The following SNAPC3 variants were observed in gnomAD, a reference collection of about 807,000 sequenced individuals.
The protein encoded by SNAPC3 is snRNA-activating protein complex subunit 3.
A neutral mutation model predicts 47.7 loss-of-function variants in SNAPC3; 56 were observed. The observed-to-expected ratio is 1.18, with a 90% CI of 0.95 to 1.47. SNAPC3 has a LOEUF of 1.47. Ranked by LOEUF, SNAPC3 falls within the 40% of genes most tolerant of loss-of-function variation. The pLI, the probability that SNAPC3 is intolerant of heterozygous loss-of-function variation, is 0.00. For missense variants in SNAPC3, 665 were observed against 511.3 expected (o/e 1.30, Z -2.90); for synonymous variants, 235 against 189.9 (o/e 1.24, Z -1.95).
chr9:15,447,321 A>G (rs2034015920), intron 5 of SNAPC3, 77 bp downstream of exon 5: 4 of 1,288,976 alleles, frequency 3.1e-6, no homozygotes, highest in Non-Finnish European at 4.5e-6. Context: ...TGGTTCATAA[A>G]TGTCCCAGTA....
chr9:15,440,279 TTTC>T (rs1254936306), intron 3 of SNAPC3, among the ~76,000 whole-genome samples: 2 of 152,356 alleles, frequency 1.3e-5, no homozygotes, highest in South Asian at 2.1e-4. Context: ...GTATTCTTTA[TTTC>T]TTCTTATGGC....
In SNAPC3 at chr9:15,460,124, A is replaced by G. The variant is rs1351567883; in HGVS notation, c.*258A>G. 2 of 263,822 alleles carry G rather than the reference A, an allele frequency of 7.6e-6. No homozygotes were observed. Among genetic ancestry groups the G allele is most frequent in the East Asian group, 7.1e-5 (1 of 14,138 alleles). The allele number at this position is 263,822 out of a possible 1,614,324, so 16.3% of individuals were successfully genotyped here. A position where few individuals can be genotyped will look rare whatever the true frequency, so the allele number is the denominator to read the frequency against. On this transcript the variant is annotated 3_prime_UTR_variant, in exon 9 of 9. Transcript: ENST00000380821. ...ATTTTGAGTTGAGTTGTAGTACTTT[A>G]TATATTCTGACTTTAAATCCTTTGT...
chr9:15,445,754 GC>G (rs2131882588), intron 4 of SNAPC3, among the ~76,000 whole-genome samples: 1 of 152,196 alleles, frequency 6.6e-6, no homozygotes. Flanking sequence ...TTCAAGATCA[GC>G]CTAGACAAAG....
At chr9:15,466,719 C>G (rs768488616), downstream of SNAPC3, 2 of 1,539,932 alleles carry the variant, frequency 1.3e-6, no homozygotes, top group Non-Finnish European at 1.8e-6. Context: ...ATAAAAAACA[C>G]ACAAGACCCA....
chr9:15,429,911 G>GT (rs2131760229), intron 2 of SNAPC3, among the ~76,000 whole-genome samples: 1 of 152,146 alleles, frequency 6.6e-6, no homozygotes, highest in East Asian at 1.9e-4. Flanking sequence ...AGTATACCAA[G>GT]TAAATGGAAA....
rs751525535 is a variant in SNAPC3 at position 15,433,589 on chromosome 9, A to G, written c.430A>G (p.Ile144Val). 1.9e-6 allele frequency: 3 copies of G among 1,610,438 alleles called. No individual in the cohort carries two copies. The highest frequency in any genetic ancestry group is 8.5e-7 in the Non-Finnish European group (1 of 1,177,972). ...KRFLEHREETITIDRACRQET... is the reference protein window; with the variant it reads ...KRFLEHREETVTIDRACRQET... ...GTTCTTGGAACATCGGGAAGAAACC[A>G]TTACAATAGATCGAGCCTGCAGACA... The change falls in exon 3 of 9, where the codon ATT becomes GTT. Residue 144 changes from isoleucine to valine, a missense_variant. By Grantham distance (29) the Ile-to-Val change is conservative (BLOSUM62 3). Coordinates refer to ENST00000380821, the MANE Select transcript of SNAPC3 (RefSeq NM_001039697.2).
Position 15,458,086 on chromosome 9 carries a change from T to TTC in SNAPC3, c.1088+20_1088+21insCT. On this transcript the variant is annotated intron_variant, in intron 8 of 8. Transcript: ENST00000380821. ...CAGCCAGGTGAGTGATAATGTATTT[T>TTC]TTTTTTTCTCTGAGAAATGGCAGTT... 7.2e-7 allele frequency: 1 copy of TTC among 1,384,770 alleles called. No homozygotes were observed. The highest frequency in any genetic ancestry group is 9.8e-7 in the Non-Finnish European group (1 of 1,017,312). 85.8% of individuals were successfully genotyped at this position (1,384,770 alleles called of 1,614,324 possible). A position where few individuals can be genotyped will look rare whatever the true frequency, so the allele number is the denominator to read the frequency against.
rs191323751 is a variant in SNAPC3, at chr9:15,429,367, A to G, written c.393-4185A>G. On this transcript the variant is annotated intron_variant, in intron 2 of 8. Transcript: ENST00000380821. ...ACAAGAGAATGAGCTTTATCCAACC[A>G]ATTGATGACTGGAAAATTTTCAGCA... is the stretch of plus-strand genomic sequence containing the variant. Among the ~76,000 whole-genome samples, 3 of 152,326 alleles carry G rather than the reference A, an allele frequency of 2.0e-5. No individual in the cohort carries two copies. The East Asian group carries it at 5.8e-4, about 29-fold the overall frequency.
chr9:15,440,050 C>T (rs1563845048), intron 3 of SNAPC3, among the ~76,000 whole-genome samples: 1 of 152,188 alleles, frequency 6.6e-6, no homozygotes, highest in Non-Finnish European at 1.5e-5. Flanking sequence ...CTATAATATT[C>T]AAATACTCTG....
At chr9:15,434,681 C>T (rs1194255501) in intron 3 of SNAPC3, among the ~76,000 whole-genome samples, 2 of 152,136 alleles carry the variant, frequency 1.3e-5, no homozygotes, top group African/African-American at 4.8e-5. Context: ...GCTGGGATTA[C>T]AGTCGTGAGC....
At chr9:15,454,549 G>A (rs1335587562) in intron 7 of SNAPC3, among the ~76,000 whole-genome samples, 3 of 152,192 alleles carry the variant, frequency 2.0e-5, no homozygotes, top group Non-Finnish European at 4.4e-5. Context: ...AACTCAGGAA[G>A]GATGTCTGGG....
At chr9:15,454,983 A>C (rs2034667505) in intron 7 of SNAPC3, among the ~76,000 whole-genome samples, 1 of 152,086 alleles carries the variant, frequency 6.6e-6, no homozygotes, top group African/African-American at 2.4e-5. Flanking sequence ...GGAGAGAATT[A>C]ATAGATTAAT....
chr9:15,459,696 A>T lies in SNAPC3; in HGVS notation c.1089-23A>T, dbSNP rs199645803. The T allele has an allele frequency of 8.7e-6, 14 of 1,606,336 alleles. No homozygotes were observed. In the African/African-American group the frequency reaches 1.9e-4, roughly 22 times the overall value. ...ATGGCAAATTTGATTGTAATGATGT[A>T]CTTCTTTTTTTAAAAACTACAGATG... On this transcript the variant is annotated intron_variant, in intron 8 of 8. Coordinates refer to ENST00000380821, the MANE Select transcript of SNAPC3 (RefSeq NM_001039697.2).
downstream of SNAPC3, chr9:15,465,936 A>T (rs2035594003): frequency 1.6e-5 from 3 of 191,656 alleles, no homozygotes; most frequent in African/African-American, 7.0e-5. Flanking sequence ...TCTTAATAAA[A>T]AGAGAGGTTG....
intron 5 of SNAPC3, among the ~76,000 whole-genome samples, chr9:15,447,835 T>C (rs1175929812): frequency 1.3e-5 from 2 of 152,178 alleles, no homozygotes; most frequent in Admixed American, 6.5e-5. Context: ...AGAGAGCATA[T>C]GAAGTTGGTC....
intron 3 of SNAPC3, among the ~76,000 whole-genome samples, chr9:15,443,654 G>A (rs2033694153): frequency 6.6e-6 from 1 of 152,150 alleles, no homozygotes; most frequent in African/African-American, 2.4e-5. Flanking sequence ...CTGCCACCAA[G>A]AGGGTCAAAA....
chr9:15,437,083 C>G (rs1210595767), intron 3 of SNAPC3, among the ~76,000 whole-genome samples: 2 of 151,966 alleles, frequency 1.3e-5, no homozygotes, highest in Non-Finnish European at 2.9e-5. Context: ...CCTCGGCCTC[C>G]CAAAATGCTG....
intron 7 of SNAPC3, among the ~76,000 whole-genome samples, chr9:15,454,229 CAAAAAAAA>C (rs574232604): frequency 4.5e-5 from 5 of 110,048 alleles, no homozygotes; most frequent in East Asian, 2.5e-4. Context: ...GACCTTGTCT[CAAAAAAAA>C]AAAAAAGAAA....
At position 15,429,483 on chromosome 9, in the gene SNAPC3, A is replaced by T. The variant is rs191249878; in HGVS notation, c.393-4069A>T. 3.2e-3 allele frequency among the ~76,000 whole-genome samples: 480 copies of T among 152,316 alleles called. 2 individuals carry two copies. The highest frequency in any genetic ancestry group is 0.027 in the Middle Eastern group (8 of 294). On this transcript the variant is annotated intron_variant, in intron 2 of 8. Transcript: ENST00000380821. Reference sequence around the variant, plus strand: ...ACAGTATTGCAACTAAAATGATGGAAGGAGAAAAATGGATAATGTGTGGGC... The same window carrying T: ...ACAGTATTGCAACTAAAATGATGGATGGAGAAAAATGGATAATGTGTGGGC...
Sources: gnomAD v4.1 joint callset for allele counts (sites outside exome capture counted in the v4.1 genomes callset) on GRCh38, gnomAD v4.1.1 for gene constraint, MANE v1.5 for transcripts, NCBI Gene and HGNC (gene_info 2026-07-23, HGNC 2026-07-21) for gene names.